Variants in GALNT11 observed in about 807,000 individuals in gnomAD.
GALNT11 encodes UDP-GalNAc:polypeptide N-acetylgalactosaminyltransferase 11.
GALNT11 carries 47 observed loss-of-function variants against 72.7 expected under a neutral mutation model. The ratio of observed to expected loss-of-function variants is 0.65; its 90% confidence interval spans 0.51 to 0.82. The LOEUF is 0.82. Ranked by LOEUF, GALNT11 falls within the 40% of genes least tolerant of loss-of-function variation. The probability of loss-of-function intolerance (pLI) is 0.00; values close to 1 mark genes in which losing one functional copy is unlikely to be tolerated. For synonymous variants in GALNT11, 270 were observed against 286.6 expected (o/e 0.94, Z 0.58); for missense variants, 677 against 778.4 (o/e 0.87, Z 1.55).
At chr7:152,119,062 T>G (rs2089175106) in intron 10 of GALNT11, 1 of 244,464 alleles carries the variant, frequency 4.1e-6, no homozygotes, top group Admixed American at 5.6e-5. Context: ...GACACCTCAG[T>G]CAGCTACTTT....
chr7:152,118,604 C>T (rs1287600167), intron 9 of GALNT11, 74 bp from the exon 10 acceptor site: 6 of 1,360,004 alleles, frequency 4.4e-6, no homozygotes, highest in Non-Finnish European at 6.1e-6. Flanking sequence ...CACATTTTGC[C>T]TGGAACCACC....
chr7:152,032,817 T>C (rs1328810927), intron 1 of GALNT11, among the ~76,000 whole-genome samples: 1 of 152,192 alleles, frequency 6.6e-6, no homozygotes, highest in Admixed American at 6.5e-5. Context: ...TTGGCTAACA[T>C]ATCCCTCCCT....
chr7:152,028,514 C>T (rs1228046683), intron 1 of GALNT11, among the ~76,000 whole-genome samples: 1 of 151,804 alleles, frequency 6.6e-6, no homozygotes, highest in Non-Finnish European at 1.5e-5. Context: ...CTGAAAAGTT[C>T]TCCAAGTCCC....
At chr7:152,103,421 G>A in intron 4 of GALNT11, 143 bp downstream of exon 4, 1 of 743,764 alleles carries the variant, frequency 1.3e-6, no homozygotes, top group South Asian at 2.8e-5. Flanking sequence ...CCACAAATAA[G>A]TCTGAAGAAA....
intron 1 of GALNT11, among the ~76,000 whole-genome samples, chr7:152,051,346 G>C (rs1287896634): frequency 1.3e-5 from 2 of 149,618 alleles, no homozygotes; most frequent in Non-Finnish European, 3.0e-5. Context: ...TATTTGTCTT[G>C]TACAACTTCA....
intron 1 of GALNT11, among the ~76,000 whole-genome samples, chr7:152,050,951 C>G (rs1368843769): frequency 2.0e-5 from 3 of 152,126 alleles, no homozygotes; most frequent in Non-Finnish European, 1.5e-5. Context: ...TCTCCCTCCC[C>G]CAAACACAGA....
In GALNT11 at chr7:152,118,705, C is replaced by T. The variant is rs2089130761; in HGVS notation, c.1480C>T (p.Leu494=). 6.2e-7 allele frequency: 1 copy of T among 1,610,568 alleles called. No individual in the cohort carries two copies. Among genetic ancestry groups the T allele is most frequent in the African/African-American group, 1.3e-5 (1 of 74,794 alleles). Reference sequence around the variant, plus strand: ...CTATCACCTCCAGACCAACAAATGCCTGGTGGCCCAGGGCCGCCCAAGTCA... The same window carrying T: ...CTATCACCTCCAGACCAACAAATGCTTGGTGGCCCAGGGCCGCCCAAGTCA... ...RLYHLQTNKC[L]VAQGRPSQKG... The change falls in exon 10 of 12, where the codon CTG becomes TTG. Residue 494 remains leucine (L), a synonymous_variant. Coordinates refer to ENST00000430044, the MANE Select transcript of GALNT11 (RefSeq NM_022087.4).
rs370811305 is a variant in GALNT11 at position 152,072,947 on chromosome 7, C to T, written c.-38-21243C>T. Among the ~76,000 whole-genome samples, 44 of 152,266 alleles carry T rather than the reference C, an allele frequency of 2.9e-4. No individual in the cohort carries two copies. The South Asian group carries it at 7.9e-3, about 27-fold the overall frequency. On this transcript the variant is annotated intron_variant, in intron 1 of 11. Transcript: ENST00000430044. ...TTGTCTGATTGCTGATTCTTCTCTG[C>T]GACATCGGGGAATAAGCATTTATTT...
chr7:152,040,883 C>T (rs1451689197), intron 1 of GALNT11, among the ~76,000 whole-genome samples: 1 of 152,202 alleles, frequency 6.6e-6, no homozygotes, highest in Non-Finnish European at 1.5e-5. Context: ...ACATTCTCAG[C>T]ACCTTCAATT....
intron 1 of GALNT11, among the ~76,000 whole-genome samples, chr7:152,078,341 A>G (rs143221877): frequency 3.6e-3 from 544 of 152,288 alleles, no homozygotes; most frequent in African/African-American, 0.012. Flanking sequence ...ATCTGGGATT[A>G]CAGGCGTATG....
intron 1 of GALNT11, among the ~76,000 whole-genome samples, chr7:152,041,430 A>T (rs931621375): frequency 6.6e-6 from 1 of 152,228 alleles, no homozygotes; most frequent in Admixed American, 6.5e-5. Context: ...ATGTAATTTA[A>T]CAATCCGAGT....
intron 10 of GALNT11, 76 bp from the exon 11 acceptor site, chr7:152,120,755 T>C (rs955426604): frequency 7.1e-6 from 9 of 1,261,140 alleles, no homozygotes; most frequent in African/African-American, 1.5e-5. Flanking sequence ...ACAGAATCAA[T>C]ATGTGGAAGA....
intron 10 of GALNT11, chr7:152,119,530 A>C (rs2089225134): frequency 6.6e-6 from 1 of 152,092 alleles, no homozygotes; most frequent in African/African-American, 2.4e-5. Flanking sequence ...CCACCAGAAG[A>C]GGTCACGCCC....
chr7:152,050,816 A>C (rs1013516980), intron 1 of GALNT11, among the ~76,000 whole-genome samples: 3 of 152,176 alleles, frequency 2.0e-5, no homozygotes, highest in Admixed American at 2.0e-4. Context: ...AGGATGGGCA[A>C]TTCCCCTCTG....
At position 152,058,437 on chromosome 7, in the gene GALNT11, G is replaced by A. The variant is rs186713510; in HGVS notation, c.-39+32553G>A. 2.5e-3 allele frequency among the ~76,000 whole-genome samples: 374 copies of A among 152,108 alleles called. 3 individuals carry two copies. Among genetic ancestry groups the A allele is most frequent in the African/African-American group, 8.6e-3 (358 of 41,498 alleles). On this transcript the variant is annotated intron_variant, in intron 1 of 11. Transcript: ENST00000430044. The stretch of plus-strand genomic sequence containing the variant: ...GCAACCTCTGCCTCCCGGTTCAAGC[G>A]ATACTCCTGCCTCAGCCTCCCGAGT...
chr7:152,109,447 G>A (rs1355896796), intron 6 of GALNT11, among the ~76,000 whole-genome samples: 1 of 152,024 alleles, frequency 6.6e-6, no homozygotes, highest in South Asian at 2.1e-4. Context: ...ATTTTTTTTG[G>A]TCTTGTTTTT....
intron 1 of GALNT11, among the ~76,000 whole-genome samples, chr7:152,067,575 C>T (rs376759315): frequency 7.9e-5 from 12 of 152,116 alleles, no homozygotes; most frequent in African/African-American, 1.4e-4. Context: ...GATGTGCCCC[C>T]GACATTGTAG....
chr7:152,100,869 A>T lies in GALNT11; in HGVS notation c.367A>T (p.Ile123Phe). The T allele has an allele frequency of 6.2e-7, 1 of 1,614,154 alleles. No homozygotes were observed. Among genetic ancestry groups the T allele is most frequent in the Non-Finnish European group, 8.5e-7 (1 of 1,180,012 alleles). The change falls in exon 3 of 12, where the codon ATC (isoleucine) becomes TTC (phenylalanine). Residue 123 changes from isoleucine to phenylalanine, a missense_variant. Physicochemically the swap from Ile to Phe is conservative, Grantham distance 21 (BLOSUM62 0). Coordinates refer to ENST00000430044, the MANE Select transcript of GALNT11 (RefSeq NM_022087.4). ...GYQKHAFNMLISDRLGYHRDV... is the reference protein window; with the variant it reads ...GYQKHAFNMLFSDRLGYHRDV... ...TCAGAAACATGCTTTTAATATGCTT[A>T]TCAGTGACCGCTTGGGCTACCACAG...
intron 5 of GALNT11, among the ~76,000 whole-genome samples, chr7:152,106,951 C>G (rs2087627374): frequency 6.6e-6 from 1 of 152,218 alleles, no homozygotes; most frequent in Non-Finnish European, 1.5e-5. Context: ...GTGGAAGGTT[C>G]TGCCTTTCTG....
Sources: allele counts gnomAD v4.1 joint callset (sites outside exome capture counted in the v4.1 genomes callset), GRCh38; gene constraint gnomAD v4.1.1; transcripts MANE v1.5; gene names NCBI Gene and HGNC (gene_info 2026-07-23, HGNC 2026-07-21).